The following MEF2C variants were observed in gnomAD, a reference collection of about 807,000 sequenced individuals.
The protein encoded by MEF2C is myocyte enhancer factor 2C, also known as myocyte-specific enhancer factor 2C.
A neutral mutation model predicts 50.5 loss-of-function variants in MEF2C; 6 were observed. The ratio of observed to expected loss-of-function variants is 0.12; its 90% CI spans 0.07 to 0.23. The LOEUF (loss-of-function observed/expected upper bound fraction) is 0.23, where lower values mean the gene tolerates loss of function less well. Ranked by LOEUF, MEF2C falls within the 10% of genes least tolerant of loss-of-function variation. The pLI, the probability that MEF2C is intolerant of heterozygous loss-of-function variation, is 1.00. For synonymous variants in MEF2C, 183 were observed against 228.0 expected (o/e 0.80, Z 1.78); for missense variants, 276 against 605.0 (o/e 0.46, Z 5.70).
intron 1 of MEF2C, among the ~76,000 whole-genome samples, chr5:88,854,844 A>G (rs1041009542): frequency 6.6e-6 from 1 of 152,230 alleles, no homozygotes; most frequent in Non-Finnish European, 1.5e-5. Context: ...ACAAAAGTTG[A>G]TATTTTTCTA....
At chr5:88,748,838 C>T in intron 6 of MEF2C, 1 of 985,354 alleles carries the variant, frequency 1.0e-6, no homozygotes, top group Non-Finnish European at 1.2e-6. Flanking sequence ...TAATTCTCTG[C>T]TGACCAGTTG....
At chr5:88,821,774 G>C (rs1460996127) in intron 2 of MEF2C, among the ~76,000 whole-genome samples, 2 of 151,822 alleles carry the variant, frequency 1.3e-5, no homozygotes, top group Non-Finnish European at 2.9e-5. Context: ...GCTGGGCATG[G>C]AGTGGGGAGG....
intron 1 of MEF2C, among the ~76,000 whole-genome samples, chr5:88,877,309 T>C (rs1831373453): frequency 6.6e-6 from 1 of 152,040 alleles, no homozygotes; most frequent in Non-Finnish European, 1.5e-5. Context: ...AGATTTAACT[T>C]GTACAATAAA....
rs1031352024 is a variant in MEF2C at position 88,742,901 on chromosome 5, C to A, written c.637+6169G>T. 69 of 972,110 alleles carry A rather than the reference C, an allele frequency of 7.1e-5. No homozygotes were observed. In the African/African-American group the frequency reaches 1.2e-3, roughly 16 times the overall value. The allele number at this position is 972,110 out of a possible 1,614,324, so 60.2% of individuals were successfully genotyped here. ...ATTTGAGGACTAGGTTTTTTTTTTT[C>A]TTTAATCTTGATAAACTTGGTTTGG... On this transcript the variant is annotated intron_variant, in intron 6 of 10. Transcript: ENST00000504921.
Position 88,808,530 on chromosome 5 carries a change from C to T in MEF2C, c.55-3729G>A, listed in dbSNP as rs191348142. On this transcript the variant is annotated intron_variant, in intron 2 of 10. Transcript: ENST00000504921. ...TAATGAATACTTATTTAATAATACC[C>T]ATCAAAGAAGTCAGTGCATATAGCT... Among the ~76,000 whole-genome samples the T allele has an allele frequency of 2.3e-3, 357 of 152,216 alleles. 2 individuals carry two copies. Among genetic ancestry groups the T allele is most frequent in the African/African-American group, 8.3e-3 (344 of 41,546 alleles).
chr5:88,796,847 G>C (rs765105889), intron 3 of MEF2C, among the ~76,000 whole-genome samples: 1 of 152,176 alleles, frequency 6.6e-6, no homozygotes, highest in African/African-American at 2.4e-5. Flanking sequence ...TGGTTTCAAA[G>C]AACTTACTTA....
At chr5:88,759,781 A>G (rs1285341621) in intron 4 of MEF2C, among the ~76,000 whole-genome samples, 4 of 152,268 alleles carry the variant, frequency 2.6e-5, no homozygotes, top group African/African-American at 9.6e-5. Flanking sequence ...TTCATTTAAC[A>G]AAAGAAGCAG....
At chr5:88,775,678 T>C in intron 3 of MEF2C, 1 of 322,726 alleles carries the variant, frequency 3.1e-6, no homozygotes, top group Non-Finnish European at 4.5e-6. Context: ...TCCAGAATCA[T>C]GGACCAATTA....
At chr5:88,830,879 C>T (rs746854680) in intron 1 of MEF2C, among the ~76,000 whole-genome samples, 65 of 152,100 alleles carry the variant, frequency 4.3e-4, no homozygotes, top group Non-Finnish European at 9.0e-4. Context: ...TCTAACCTCT[C>T]AGTAAGCACA....
At chr5:88,744,369 C>T (rs148492718) in intron 6 of MEF2C, among the ~76,000 whole-genome samples, 271 of 152,252 alleles carry the variant, frequency 1.8e-3, no homozygotes, top group African/African-American at 6.0e-3. Context: ...GCCTGGACAA[C>T]GGGTGAAACC....
intron 2 of MEF2C, among the ~76,000 whole-genome samples, chr5:88,820,786 C>T (rs1316398547): frequency 5.3e-5 from 8 of 151,940 alleles, no homozygotes; most frequent in African/African-American, 1.4e-4. Flanking sequence ...TATGCTGTTT[C>T]GGATTTGCTG....
intron 6 of MEF2C, chr5:88,735,738 A>C: frequency 1.0e-6 from 1 of 984,600 alleles, no homozygotes; most frequent in Non-Finnish European, 1.2e-6. Flanking sequence ...CACTTGCTGC[A>C]TTTTTTTTAT....
intron 3 of MEF2C, chr5:88,768,536 T>G (rs1780993905): frequency 4.6e-6 from 1 of 215,806 alleles, no homozygotes; most frequent in Non-Finnish European, 7.9e-6. Context: ...TTTTTCTTCC[T>G]GCTACTATGA....
chr5:88,758,057 C>T lies in MEF2C; in HGVS notation c.402+3128G>A, dbSNP rs374960618. 3.9e-5 allele frequency among the ~76,000 whole-genome samples: 6 copies of T among 152,220 alleles called. No individual in the cohort carries two copies. The East Asian group carries it at 7.7e-4, about 19-fold the overall frequency. On this transcript the variant is annotated intron_variant, in intron 4 of 10. Coordinates refer to ENST00000504921, the MANE Select transcript of MEF2C (RefSeq NM_002397.5). ...GTTTAGGTCCCATCCTCCTTCCCTT[C>T]CTTGAGAGGCTTTGCCATTCTATCT...
intron 5 of MEF2C, chr5:88,751,583 C>T (rs1772763847): frequency 5.2e-6 from 5 of 953,414 alleles, no homozygotes; most frequent in Non-Finnish European, 6.2e-6. Context: ...GGATATCTGA[C>T]ATCCTGTTTG....
chr5:88,745,821 C>G (rs1769224641), intron 6 of MEF2C, among the ~76,000 whole-genome samples: 1 of 152,178 alleles, frequency 6.6e-6, no homozygotes, highest in Non-Finnish European at 1.5e-5. Flanking sequence ...TCTCAAAACA[C>G]ACACATACAA....
At chr5:88,834,002 C>A (rs1478936588) in intron 1 of MEF2C, among the ~76,000 whole-genome samples, 2 of 152,126 alleles carry the variant, frequency 1.3e-5, no homozygotes. Flanking sequence ...GTAGTTATAG[C>A]ATTCCTCTCA....
At chr5:88,895,561 T>A (rs1045608329) in intron 1 of MEF2C, among the ~76,000 whole-genome samples, 1 of 152,218 alleles carries the variant, frequency 6.6e-6, no homozygotes, top group African/African-American at 2.4e-5. Flanking sequence ...TAGATCCCAG[T>A]GAACTCCTCT....
At chr5:88,839,502 G>C (rs916772853) in intron 1 of MEF2C, 2 of 152,172 alleles carry the variant, frequency 1.3e-5, no homozygotes, top group African/African-American at 4.8e-5. Context: ...AAATCTCTGA[G>C]ATTTGTAATT....
Sources: gnomAD v4.1 joint callset for allele counts (sites outside exome capture counted in the v4.1 genomes callset) on GRCh38, gnomAD v4.1.1 for gene constraint, MANE v1.5 for transcripts, NCBI Gene and HGNC (gene_info 2026-07-23, HGNC 2026-07-21) for gene names.